SLC22A24: variants seen among roughly 807,000 people sequenced by gnomAD.
SLC22A24 encodes steroid transmembrane transporter SLC22A24.
A neutral mutation model predicts 49.8 loss-of-function variants in SLC22A24; 53 were observed. That is an observed-to-expected ratio of 1.06 (90% CI 0.85 to 1.34). The LOEUF (loss-of-function observed/expected upper bound fraction) is 1.34. SLC22A24 is among the 40% of genes most tolerant of loss of function. The pLI, the probability that SLC22A24 is intolerant of heterozygous loss-of-function variation, is 0.00. For missense variants in SLC22A24, 786 were observed against 675.9 expected (o/e 1.16, Z -1.81); for synonymous variants, 302 against 256.4 (o/e 1.18, Z -1.70).
chr11:63,079,963 A>G lies in SLC22A24; in HGVS notation c.1636T>C (p.Cys546Arg). Residue 546 changes from cysteine (C) to arginine (R), a missense_variant, in exon 10 of 10, where the codon TGC becomes CGC. Physicochemically the swap from Cys to Arg is radical, Grantham distance 180 (BLOSUM62 -3). Transcript: ENST00000612278. Reference protein sequence around the residue: ...DSRNIKQEDTCMKVTQF With the variant: ...DSRNIKQEDTRMKVTQF ...TCTTAAAACTGTGTTACTTTCATGC[A>G]AGTATCTTCCTGCTTTATGTTTCTT... 1 of 1,546,464 alleles carries G rather than the reference A, an allele frequency of 6.5e-7. No individual in the cohort carries two copies. The highest frequency in any genetic ancestry group is 1.4e-5 in the African/African-American group (1 of 73,092).
chr11:63,124,959 G>T (rs943278474), intron 2 of SLC22A24, among the ~76,000 whole-genome samples: 6 of 151,676 alleles, frequency 4.0e-5, no homozygotes, highest in Non-Finnish European at 5.9e-5. Context: ...GTTGCGGGGT[G>T]GGGGGAGTGG....
Position 63,096,030 on chromosome 11 carries a change from G to T in SLC22A24, c.1031C>A (p.Pro344His), listed in dbSNP as rs559053081. The T allele has an allele frequency of 1.3e-6, 2 of 1,550,680 alleles. No homozygotes were observed. The highest frequency in any genetic ancestry group is 2.7e-5 in the African/African-American group (2 of 72,982). ...KTSIFSLFRA[P>H]KLRMRVFGLC... ...GCCGAAGACTCTCATTCGCAATTTG[G>T]GTGCACGGAACAGGGAAAAAATGGA... Residue 344 changes from proline (P) to histidine (H), a missense_variant, in exon 6 of 10, where the codon CCC becomes CAC. Coordinates refer to ENST00000612278, the MANE Select transcript of SLC22A24 (RefSeq NM_001136506.2).
intron 6 of SLC22A24, among the ~76,000 whole-genome samples, chr11:63,092,887 A>G (rs974996442): frequency 1.1e-4 from 17 of 152,108 alleles, no homozygotes; most frequent in Non-Finnish European, 1.9e-4. Context: ...AAAATAAACT[A>G]TCATCAGAGT....
At chr11:63,119,833 G>T (rs1043852903) in intron 2 of SLC22A24, among the ~76,000 whole-genome samples, 6 of 152,280 alleles carry the variant, frequency 3.9e-5, no homozygotes, top group African/African-American at 1.4e-4. Context: ...GCTATGTCTA[G>T]ATTTACAGGC....
chr11:63,137,463 C>G (rs11231379), intron 1 of SLC22A24, among the ~76,000 whole-genome samples: 18,304 of 152,160 alleles, frequency 0.12, 1,240 homozygotes, highest in Middle Eastern at 0.16. Context: ...AGGCCTGTCT[C>G]TCATGGTAAC....
At chr11:63,106,187 T>A (rs1223135572) in intron 4 of SLC22A24, among the ~76,000 whole-genome samples, 1 of 147,352 alleles carries the variant, frequency 6.8e-6, no homozygotes, top group Non-Finnish European at 1.5e-5. Flanking sequence ...CGGTGTTTGG[T>A]TTTTTTGTCC....
chr11:63,143,872 T>C lies in SLC22A24; in HGVS notation c.-93A>G, dbSNP rs1274161059. 17 of 1,084,444 alleles carry C rather than the reference T, an allele frequency of 1.6e-5. No homozygotes were observed. Among genetic ancestry groups the C allele is most frequent in the Non-Finnish European group, 2.0e-5 (17 of 833,434 alleles). 67.2% of individuals were successfully genotyped at this position (1,084,444 alleles called of 1,614,324 possible). Reference sequence around the variant, plus strand: ...AATGTCCCCTTTCACAAAGTTACCATAGTGCCATGTGGATCCTGACACTGC... The same window carrying C: ...AATGTCCCCTTTCACAAAGTTACCACAGTGCCATGTGGATCCTGACACTGC... On this transcript the variant is annotated 5_prime_UTR_variant, in exon 1 of 10. The change abolishes an upstream ATG in the 5' untranslated region. Coordinates refer to ENST00000612278, the MANE Select transcript of SLC22A24 (RefSeq NM_001136506.2).
At chr11:63,116,751 C>T (rs917829429) in intron 4 of SLC22A24, among the ~76,000 whole-genome samples, 1 of 152,274 alleles carries the variant, frequency 6.6e-6, no homozygotes, top group South Asian at 2.1e-4. Context: ...TAGAGTCTCA[C>T]ATGTCCTCAA....
chr11:63,140,956 G>A (rs1345982544), intron 1 of SLC22A24, among the ~76,000 whole-genome samples: 1 of 152,046 alleles, frequency 6.6e-6, no homozygotes, highest in Non-Finnish European at 1.5e-5. Flanking sequence ...AAATTCTGTG[G>A]GTATACACAA....
intron 5 of SLC22A24, among the ~76,000 whole-genome samples, chr11:63,103,003 C>G (rs978157740): frequency 6.6e-6 from 1 of 152,120 alleles, no homozygotes; most frequent in African/African-American, 2.4e-5. Flanking sequence ...AGTTAGAGAA[C>G]TACATATAAG....
At chr11:63,117,938 A>G (rs1404597186) in intron 4 of SLC22A24, among the ~76,000 whole-genome samples, 1 of 152,100 alleles carries the variant, frequency 6.6e-6, no homozygotes, top group Non-Finnish European at 1.5e-5. Context: ...TCAGCTTCTA[A>G]TTTTCAACTC....
At chr11:63,135,097 A>G (rs1224441738) in intron 1 of SLC22A24, among the ~76,000 whole-genome samples, 3 of 152,142 alleles carry the variant, frequency 2.0e-5, no homozygotes, top group African/African-American at 7.2e-5. Flanking sequence ...TTTGGGTATT[A>G]TAATTAAAAG....
intron 4 of SLC22A24, among the ~76,000 whole-genome samples, chr11:63,113,213 C>CATATATAT (rs1565332361): frequency 0.015 from 39 of 2,564 alleles, 15 homozygotes; most frequent in African/African-American, 0.018. Flanking sequence ...CATATATATA[C>CATATATAT]ACATATATAT....
intron 4 of SLC22A24, among the ~76,000 whole-genome samples, chr11:63,115,017 T>C (rs1389509780): frequency 6.6e-6 from 1 of 152,122 alleles, no homozygotes; most frequent in African/African-American, 2.4e-5. Context: ...CTACATAGGG[T>C]TCAGGGACCC....
chr11:63,140,756 A>T (rs1305674764), intron 1 of SLC22A24, among the ~76,000 whole-genome samples: 1 of 152,226 alleles, frequency 6.6e-6, no homozygotes, highest in East Asian at 1.9e-4. Context: ...TTTGACATAC[A>T]AGGTGCGTAG....
Position 63,118,735 on chromosome 11 carries a change from C to G in SLC22A24, c.830+177G>C. On this transcript the variant is annotated intron_variant, in intron 4 of 9. Transcript: ENST00000612278. ...AATAATGAATGCAAAGTGCCAGCCT[C>G]CCCACATATAGTGTCATCCTATTCC... 5 of 641,094 alleles carry G rather than the reference C, an allele frequency of 7.8e-6. No individual in the cohort carries two copies. The Admixed American group carries it at 1.2e-4, about 16-fold the overall frequency. 39.7% of individuals were successfully genotyped at this position (641,094 alleles called of 1,614,324 possible).
At chr11:63,107,207 G>C (rs1322938152) in intron 4 of SLC22A24, among the ~76,000 whole-genome samples, 2 of 152,104 alleles carry the variant, frequency 1.3e-5, no homozygotes, top group Non-Finnish European at 2.9e-5. Context: ...CCCATTTCTT[G>C]TTTTTGTCAG....
At chr11:63,102,270 G>T (rs2087095880) in intron 5 of SLC22A24, among the ~76,000 whole-genome samples, 3 of 151,974 alleles carry the variant, frequency 2.0e-5, no homozygotes, top group Non-Finnish European at 4.4e-5. Flanking sequence ...AATGGCTTTG[G>T]AATACTGTTA....
intron 2 of SLC22A24, 111 bp from the exon 3 acceptor site, chr11:63,119,446 A>G (rs537934362): frequency 2.8e-6 from 3 of 1,057,898 alleles, no homozygotes; most frequent in East Asian, 5.2e-5. Context: ...CAAGTGGAAC[A>G]TGGTGCTTGA....
Sources: gnomAD v4.1 joint callset for allele counts (sites outside exome capture counted in the v4.1 genomes callset) on GRCh38, gnomAD v4.1.1 for gene constraint, MANE v1.5 for transcripts, NCBI Gene and HGNC (gene_info 2026-07-23, HGNC 2026-07-21) for gene names.